Variants in PRRC2B observed in about 807,000 individuals in gnomAD.
The protein encoded by PRRC2B is proline rich coiled-coil 2B, also known as protein PRRC2B.
PRRC2B carries 68 observed loss-of-function variants against 242.3 expected under a neutral mutation model. That is an observed-to-expected ratio of 0.28 (90% confidence interval 0.23 to 0.34). The LOEUF is 0.34. Among genes scored for constraint, PRRC2B ranks in the 10% least tolerant of loss-of-function variants. The probability of loss-of-function intolerance (pLI) is 1.00; values close to 1 mark genes in which losing one functional copy is unlikely to be tolerated. For synonymous variants in PRRC2B, 1,228 were observed against 1,173.6 expected (o/e 1.05, Z -0.95); for missense variants, 2,835 against 2,954.8 (o/e 0.96, Z 0.94).
At chr9:131,456,134 T>C (rs181583639) in intron 10 of PRRC2B, among the ~76,000 whole-genome samples, 2 of 150,242 alleles carry the variant, frequency 1.3e-5, no homozygotes, top group East Asian at 4.0e-4. Context: ...AAAAAAAAAA[T>C]TAAGTGCACT....
At chr9:131,469,626 G>A (rs1354519117) in intron 13 of PRRC2B, among the ~76,000 whole-genome samples, 2 of 152,188 alleles carry the variant, frequency 1.3e-5, no homozygotes, top group African/African-American at 2.4e-5. Context: ...TTTTGTTTGC[G>A]GAATGGAAGG....
At chr9:131,490,720 A>C (rs1588283972) in intron 28 of PRRC2B, 2 of 409,358 alleles carry the variant, frequency 4.9e-6, no homozygotes, top group East Asian at 1.4e-4. Context: ...GGACCCCCAC[A>C]GTCTGGAATC....
chr9:131,415,035 C>T (rs1837609478), intron 1 of PRRC2B, among the ~76,000 whole-genome samples: 1 of 152,074 alleles, frequency 6.6e-6, no homozygotes, highest in South Asian at 2.1e-4. Flanking sequence ...CTCTGTTGCC[C>T]ACGCCGGAGT....
intron 28 of PRRC2B, 48 bp from the exon 29 acceptor site, chr9:131,491,377 T>C: frequency 6.6e-7 from 1 of 1,521,814 alleles, no homozygotes; most frequent in Non-Finnish European, 8.8e-7. Flanking sequence ...CGTTTGGGGT[T>C]TCTCCATAGC....
At chr9:131,377,441 C>T (rs1836701946) in intron 1 of PRRC2B, among the ~76,000 whole-genome samples, 2 of 152,124 alleles carry the variant, frequency 1.3e-5, no homozygotes, top group Non-Finnish European at 2.9e-5. Context: ...TTTATACCTC[C>T]ACAATTGTAC....
chr9:131,483,745 G>A (rs1285487736), intron 23 of PRRC2B, among the ~76,000 whole-genome samples: 2 of 152,194 alleles, frequency 1.3e-5, no homozygotes, highest in Non-Finnish European at 2.9e-5. Context: ...AAGGGGCACA[G>A]ATTGAGTAGG....
At position 131,473,701 on chromosome 9, in the gene PRRC2B, C is replaced by G; in HGVS notation, c.2301C>G (p.Thr767=). ...YPLPHPKSSD[T]LAMDMRVRNE... is the part of the protein sequence containing the mutation. Reference sequence around the variant, plus strand: ...TCCCGCACCCGAAGTCGAGTGACACCTTGGCTATGGACATGCGTGTCAGGT... The same window carrying G: ...TCCCGCACCCGAAGTCGAGTGACACGTTGGCTATGGACATGCGTGTCAGGT... Residue 767 remains threonine, a synonymous_variant, in exon 15 of 32, where the codon ACC becomes ACG. Coordinates refer to ENST00000683519, the MANE Select transcript of PRRC2B (RefSeq NM_013318.4). The G allele has an allele frequency of 6.2e-7, 1 of 1,613,466 alleles. No homozygotes were observed. Among genetic ancestry groups the G allele is most frequent in the Non-Finnish European group, 8.5e-7 (1 of 1,179,726 alleles).
intron 23 of PRRC2B, among the ~76,000 whole-genome samples, chr9:131,484,334 C>T (rs369544864): frequency 2.6e-5 from 4 of 152,196 alleles, no homozygotes; most frequent in South Asian, 4.1e-4. Flanking sequence ...CGGGACATGG[C>T]TCTCCCTGTC....
intron 1 of PRRC2B, among the ~76,000 whole-genome samples, chr9:131,415,771 A>C (rs967320485): frequency 6.6e-6 from 1 of 152,150 alleles, no homozygotes; most frequent in African/African-American, 2.4e-5. Flanking sequence ...GATGACTTTT[A>C]GAAGCTTTTA....
chr9:131,420,462 T>TTCCTTCCTTCCTTCCTTCCTTCCTTCC (rs1837782674), intron 1 of PRRC2B, among the ~76,000 whole-genome samples: 1 of 8,420 alleles, frequency 1.2e-4, no homozygotes, highest in Non-Finnish European at 4.8e-4. Flanking sequence ...TTTTTCTTTC[T>TTCCTTCCTTCCTTCCTTCCTTCCTTCC]TTCTTTCTTT....
intron 1 of PRRC2B, among the ~76,000 whole-genome samples, chr9:131,401,874 T>C (rs1837235739): frequency 6.6e-6 from 1 of 152,034 alleles, no homozygotes; most frequent in African/African-American, 2.4e-5. Context: ...TTGGCCAGGC[T>C]GGTCTCGAAC....
intron 11 of PRRC2B, among the ~76,000 whole-genome samples, chr9:131,463,135 C>T (rs1301633031): frequency 4.6e-5 from 7 of 152,064 alleles, no homozygotes; most frequent in Non-Finnish European, 8.8e-5. Flanking sequence ...TATGGATAGA[C>T]CCTCAGGTTC....
intron 1 of PRRC2B, among the ~76,000 whole-genome samples, chr9:131,405,838 C>T (rs1837346418): frequency 6.6e-6 from 1 of 152,194 alleles, no homozygotes; most frequent in African/African-American, 2.4e-5. Flanking sequence ...GCACCCCACA[C>T]TGGAAGCCCT....
Position 131,428,224 on chromosome 9 carries a change from A to G in PRRC2B, c.-51-1870A>G, listed in dbSNP as rs1241426823. Among the ~76,000 whole-genome samples, 5 of 149,190 alleles carry G rather than the reference A, an allele frequency of 3.4e-5. 1 individual carries two copies. The highest frequency in any genetic ancestry group is 9.9e-5 in the African/African-American group (4 of 40,576). On this transcript the variant is annotated intron_variant, in intron 1 of 31. Transcript: ENST00000683519. The stretch of plus-strand genomic sequence containing the variant: ...CGTGAGCCACCGTGCCCGGCCTACA[A>G]GTTTTGTTTTTTAAGAGATAGGATC...
intron 5 of PRRC2B, among the ~76,000 whole-genome samples, chr9:131,443,283 G>A (rs932274318): frequency 1.6e-4 from 24 of 151,422 alleles, no homozygotes; most frequent in African/African-American, 5.8e-4. Flanking sequence ...ACAGGCGCCC[G>A]CCACCACGTC....
chr9:131,379,146 T>C (rs1030236040), intron 1 of PRRC2B, among the ~76,000 whole-genome samples: 1 of 152,218 alleles, frequency 6.6e-6, no homozygotes, highest in Non-Finnish European at 1.5e-5. Flanking sequence ...TTCATCCATG[T>C]GGTACCATGT....
Position 131,470,982 on chromosome 9 carries a change from A to G in PRRC2B, c.2106A>G (p.Ser702=). 1 of 1,607,736 alleles carries G rather than the reference A, an allele frequency of 6.2e-7. No individual in the cohort carries two copies. Among genetic ancestry groups the G allele is most frequent in the Non-Finnish European group, 8.5e-7 (1 of 1,176,450 alleles). The change falls in exon 14 of 32, where the codon TCA becomes TCG. Residue 702 remains serine (S), a splice_region_variant and synonymous_variant. Coordinates refer to ENST00000683519, the MANE Select transcript of PRRC2B (RefSeq NM_013318.4). ...VDFYPSALHP[S]GLMKPMMPQE... Reference sequence around the variant, plus strand: ...TCTACCCCTCCGCCCTGCATCCCTCAGGTAAGCACTGTGGTCTGACGGTCC... The same window carrying G: ...TCTACCCCTCCGCCCTGCATCCCTCGGGTAAGCACTGTGGTCTGACGGTCC...
intron 10 of PRRC2B, among the ~76,000 whole-genome samples, chr9:131,457,552 G>C (rs1385973910): frequency 6.6e-6 from 1 of 152,164 alleles, no homozygotes; most frequent in Non-Finnish European, 1.5e-5. Flanking sequence ...ATGCATCCAT[G>C]TCTTATTTGG....
upstream of PRRC2B, among the ~76,000 whole-genome samples, chr9:131,393,578 C>T (rs1295554965): frequency 1.3e-5 from 2 of 152,214 alleles, no homozygotes; most frequent in Non-Finnish European, 2.9e-5. Flanking sequence ...GCTTCCTTTC[C>T]GTTCATATAC....
Sources: allele counts gnomAD v4.1 joint callset (sites outside exome capture counted in the v4.1 genomes callset), GRCh38; gene constraint gnomAD v4.1.1; transcripts MANE v1.5; gene names NCBI Gene and HGNC (gene_info 2026-07-23, HGNC 2026-07-21).